The following CACNG4 variants were observed in gnomAD, a reference collection of about 807,000 sequenced individuals.
CACNG4 encodes the protein voltage-dependent calcium channel gamma-4 subunit.
CACNG4 carries 8 observed loss-of-function variants against 22.9 expected under a neutral mutation model. The observed-to-expected ratio is 0.35, with a 90% confidence interval of 0.21 to 0.63. The LOEUF (loss-of-function observed/expected upper bound fraction) is 0.63. CACNG4 is among the 30% of genes least tolerant of loss of function. The probability of loss-of-function intolerance (pLI) is 0.72; values close to 1 mark genes in which losing one functional copy is unlikely to be tolerated. For synonymous variants in CACNG4, 188 were observed against 191.9 expected (o/e 0.98, Z 0.17); for missense variants, 357 against 455.4 (o/e 0.78, Z 1.97).
rs754923184 is a variant in CACNG4, at chr17:67,031,834, C to T, written c.*830C>T. The stretch of plus-strand genomic sequence containing the variant: ...CGTGACCTCTTGCCGTGCCCCTTGT[C>T]ATAGACCCAAGGAGCAACTCTGTCC... On this transcript the variant is annotated 3_prime_UTR_variant, in exon 4 of 4. Coordinates refer to ENST00000262138, the MANE Select transcript of CACNG4 (RefSeq NM_014405.4). This position sits in a 1 kb window ranked among gnomAD's most constrained non-coding sequence, Gnocchi z 4.0. 1 of 456,682 alleles carries T rather than the reference C, an allele frequency of 2.2e-6. No homozygotes were observed. Among genetic ancestry groups the T allele is most frequent in the South Asian group, 1.5e-5 (1 of 64,564 alleles). 28.3% of individuals were successfully genotyped at this position (456,682 alleles called of 1,614,324 possible).
At chr17:66,981,001 CTT>C (rs1276685040) in intron 1 of CACNG4, among the ~76,000 whole-genome samples, 1 of 152,222 alleles carries the variant, frequency 6.6e-6, no homozygotes, top group Non-Finnish European at 1.5e-5. Flanking sequence ...AGAAAAAAAT[CTT>C]TGCATGGTGA....
chr17:66,988,834 G>T (rs2035321022), intron 1 of CACNG4, among the ~76,000 whole-genome samples: 1 of 152,126 alleles, frequency 6.6e-6, no homozygotes, highest in African/African-American at 2.4e-5. Context: ...CAAGGTGGGT[G>T]GATCACTTGA....
intron 1 of CACNG4, among the ~76,000 whole-genome samples, chr17:66,981,954 G>A (rs931845396): frequency 3.9e-5 from 6 of 152,190 alleles, no homozygotes; most frequent in Non-Finnish European, 8.8e-5. Context: ...AATTTTTAGA[G>A]ATACGGTCTC....
chr17:66,985,152 T>C (rs1324404867), intron 1 of CACNG4, among the ~76,000 whole-genome samples: 1 of 152,172 alleles, frequency 6.6e-6, no homozygotes, highest in African/African-American at 2.4e-5. Flanking sequence ...CCCGCCCTCA[T>C]CCTGCCTTAT....
chr17:66,967,099 C>T (rs2035175541), intron 1 of CACNG4, among the ~76,000 whole-genome samples: 1 of 152,168 alleles, frequency 6.6e-6, no homozygotes, highest in Non-Finnish European at 1.5e-5. Context: ...GAAACTAACT[C>T]CTCCCCGCCA....
In CACNG4 at chr17:67,025,073, A is replaced by G. The variant is rs972126373; in HGVS notation, c.445+73A>G. On this transcript the variant is annotated intron_variant, in intron 3 of 3. Coordinates refer to ENST00000262138, the MANE Select transcript of CACNG4 (RefSeq NM_014405.4). ...GGAGTGCCTGTCTCGTGTGGTCCCC[A>G]CTGCCAGGCAGTGTGCATCCTAGAG... The G allele has an allele frequency of 1.3e-5, 19 of 1,413,758 alleles. No individual in the cohort carries two copies. The African/African-American group carries it at 2.5e-4, about 18-fold the overall frequency. 87.6% of individuals were successfully genotyped at this position (1,413,758 alleles called of 1,614,324 possible).
chr17:67,019,495 A>C (rs1247864369), intron 2 of CACNG4, among the ~76,000 whole-genome samples: 1 of 152,130 alleles, frequency 6.6e-6, no homozygotes, highest in Non-Finnish European at 1.5e-5. Context: ...CACCTGCATA[A>C]ATTATGGTAT....
intron 1 of CACNG4, among the ~76,000 whole-genome samples, chr17:66,974,268 G>A (rs993211819): frequency 6.6e-6 from 1 of 152,210 alleles, no homozygotes; most frequent in Admixed American, 6.5e-5. Context: ...GTGGCCAGAG[G>A]TGTGTTCACA....
intron 1 of CACNG4, among the ~76,000 whole-genome samples, chr17:66,975,155 G>A (rs1248468028): frequency 1.3e-5 from 2 of 152,176 alleles, no homozygotes; most frequent in Non-Finnish European, 2.9e-5. Context: ...AAGGTAGAGG[G>A]CAGTTTCTTG....
intron 1 of CACNG4, among the ~76,000 whole-genome samples, chr17:67,017,020 T>C (rs967367123): frequency 2.0e-5 from 3 of 151,982 alleles, no homozygotes; most frequent in African/African-American, 7.3e-5. Context: ...CCGCATTGAG[T>C]GAGGGGATTG....
chr17:67,031,226 A>G lies in CACNG4; in HGVS notation c.*222A>G. On this transcript the variant is annotated 3_prime_UTR_variant, in exon 4 of 4. Coordinates refer to ENST00000262138, the MANE Select transcript of CACNG4 (RefSeq NM_014405.4). The surrounding 1 kb of genome is among the most constrained non-coding windows in gnomAD (Gnocchi z 4.0). ...GAAGGCTGACTTTGTCCCCTCCCCG[A>G]AAAAGGGTGTTTTGATGCCTCAGGG... The G allele has an allele frequency of 3.1e-6, 2 of 647,794 alleles. No homozygotes were observed. Among genetic ancestry groups the G allele is most frequent in the African/African-American group, 1.8e-5 (1 of 55,320 alleles). 40.1% of individuals were successfully genotyped at this position (647,794 alleles called of 1,614,324 possible).
chr17:66,992,875 A>G (rs1237282489), intron 1 of CACNG4, among the ~76,000 whole-genome samples: 1 of 152,240 alleles, frequency 6.6e-6, no homozygotes. Flanking sequence ...AGGACCCAAC[A>G]GAATCTGGAT....
intron 3 of CACNG4, among the ~76,000 whole-genome samples, chr17:67,028,054 G>A (rs1269478234): frequency 6.6e-6 from 1 of 151,682 alleles, no homozygotes; most frequent in African/African-American, 2.4e-5. Flanking sequence ...GAACTAGTAG[G>A]GTAAAAAAAA....
intron 1 of CACNG4, among the ~76,000 whole-genome samples, chr17:66,969,864 G>A (rs1567748432): frequency 1.3e-5 from 2 of 152,118 alleles, no homozygotes; most frequent in South Asian, 4.2e-4. Context: ...GCCTGGTGCT[G>A]GGCTTGAAAC....
At chr17:67,021,746 G>C (rs2035533284) in intron 2 of CACNG4, 1 of 152,366 alleles carries the variant, frequency 6.6e-6, no homozygotes. Flanking sequence ...GCAGGGGGCT[G>C]GTGTCAGGGC....
intron 1 of CACNG4, among the ~76,000 whole-genome samples, chr17:66,992,160 TGG>T (rs10605777): frequency 0.03 from 4,135 of 139,686 alleles, 99 homozygotes; most frequent in Middle Eastern, 0.075. Context: ...GCCAAGCTCC[TGG>T]GGGGGGGGGG....
intron 1 of CACNG4, among the ~76,000 whole-genome samples, chr17:67,017,808 GC>G (rs1372121055): frequency 6.6e-6 from 1 of 152,066 alleles, no homozygotes; most frequent in African/African-American, 2.4e-5. Context: ...GAGCCACCGT[GC>G]CCAGCCTGTT....
chr17:66,986,964 G>C (rs969811814), intron 1 of CACNG4, among the ~76,000 whole-genome samples: 1 of 152,212 alleles, frequency 6.6e-6, no homozygotes, highest in African/African-American at 2.4e-5. Flanking sequence ...GATTTGGTGT[G>C]GGGAGGGGAC....
chr17:66,974,774 C>T (rs1489030372), intron 1 of CACNG4, among the ~76,000 whole-genome samples: 1 of 152,182 alleles, frequency 6.6e-6, no homozygotes, highest in Non-Finnish European at 1.5e-5. Flanking sequence ...CAGCCACTTC[C>T]GCCCCCACAG....
Sources: gnomAD v4.1 joint callset for allele counts (sites outside exome capture counted in the v4.1 genomes callset) on GRCh38, gnomAD v4.1.1 for gene constraint, Gnocchi (gnomAD v3.1) non-coding constraint, MANE v1.5 for transcripts, NCBI Gene and HGNC (gene_info 2026-07-23, HGNC 2026-07-21) for gene names.